The following TRERF1 variants were observed in gnomAD, a reference collection of about 807,000 sequenced individuals.
TRERF1 encodes the protein transcriptional-regulating factor 1.
A neutral mutation model predicts 122.9 loss-of-function variants in TRERF1; 27 were observed. The ratio of observed to expected loss-of-function variants is 0.22; its 90% confidence interval spans 0.16 to 0.30. The LOEUF is 0.30. Among genes scored for constraint, TRERF1 ranks in the 10% least tolerant of loss-of-function variants. TRERF1 has a pLI of 1.00. For missense variants in TRERF1, 1,248 were observed against 1,560.3 expected (o/e 0.80, Z 3.37); for synonymous variants, 636 against 641.7 (o/e 0.99, Z 0.13).
chr6:42,434,722 A>AGTTATTCATG (rs1785031676), intron 2 of TRERF1, among the ~76,000 whole-genome samples: 1 of 146,942 alleles, frequency 6.8e-6, no homozygotes, highest in Admixed American at 6.8e-5. Context: ...CCCTAATAGG[A>AGTTATTCATG]GTTATTCATG....
intron 2 of TRERF1, among the ~76,000 whole-genome samples, chr6:42,439,672 G>A (rs1375409922): frequency 6.6e-6 from 1 of 152,200 alleles, no homozygotes; most frequent in African/African-American, 2.4e-5. Flanking sequence ...ATTCCGCCAT[G>A]TGAGGACCCG....
rs1770779367 is a variant in TRERF1 at position 42,232,589 on chromosome 6, G to A, written c.3278+92C>T. The A allele has an allele frequency of 7.0e-7, 1 of 1,432,984 alleles. No individual in the cohort carries two copies. The highest frequency in any genetic ancestry group is 2.9e-5 in the Admixed American group (1 of 34,928). The allele number at this position is 1,432,984 out of a possible 1,614,324, so 88.8% of individuals were successfully genotyped here. On this transcript the variant is annotated intron_variant, in intron 17 of 17. Transcript: ENST00000372922. The surrounding 1 kb of genome is among the most constrained non-coding windows in gnomAD (Gnocchi z 4.5). ...TTTTGAGGTCTAAGTTCTTTTTTCT[G>A]ATTGAAGAAACCTCAGGCCATCCTG...
At chr6:42,362,667 C>A (rs1429795933) in intron 3 of TRERF1, among the ~76,000 whole-genome samples, 2 of 152,214 alleles carry the variant, frequency 1.3e-5, no homozygotes, top group Non-Finnish European at 2.9e-5. Flanking sequence ...GCCTTCTACA[C>A]CTCCACTGCA....
At chr6:42,231,589 C>T (rs1015887869) in intron 17 of TRERF1, among the ~76,000 whole-genome samples, 2 of 152,084 alleles carry the variant, frequency 1.3e-5, no homozygotes, top group African/African-American at 2.4e-5. Flanking sequence ...TTTTCATGCT[C>T]GAGGCACTAG....
At chr6:42,330,444 T>C (rs997435371) in intron 3 of TRERF1, among the ~76,000 whole-genome samples, 2 of 152,126 alleles carry the variant, frequency 1.3e-5, no homozygotes, top group East Asian at 1.9e-4. Context: ...CACAAAAACA[T>C]AGGTTCAAAG....
intron 2 of TRERF1, among the ~76,000 whole-genome samples, chr6:42,381,608 A>T (rs1425033557): frequency 6.6e-6 from 1 of 151,896 alleles, no homozygotes; most frequent in African/African-American, 2.4e-5. Flanking sequence ...GGAGCCCACC[A>T]GCCCAGCCGT....
chr6:42,402,865 C>T (rs534247712), intron 2 of TRERF1, among the ~76,000 whole-genome samples: 4 of 152,174 alleles, frequency 2.6e-5, no homozygotes, highest in South Asian at 2.1e-4. Flanking sequence ...AGAAAACTGA[C>T]GCTAGGAGAG....
chr6:42,371,696 G>A (rs1322537835), intron 2 of TRERF1, among the ~76,000 whole-genome samples: 1 of 152,088 alleles, frequency 6.6e-6, no homozygotes, highest in Non-Finnish European at 1.5e-5. Context: ...GCCTTCTGGG[G>A]AACCCTACAG....
chr6:42,286,434 C>T (rs1488598824), intron 4 of TRERF1, among the ~76,000 whole-genome samples: 3 of 139,068 alleles, frequency 2.2e-5, no homozygotes, highest in African/African-American at 8.2e-5. Flanking sequence ...TGAACTCAAA[C>T]AAATTTACAA....
intron 15 of TRERF1, among the ~76,000 whole-genome samples, chr6:42,240,652 A>G (rs1169451254): frequency 6.6e-6 from 1 of 152,236 alleles, no homozygotes; most frequent in African/African-American, 2.4e-5. Flanking sequence ...CGCTGCATCT[A>G]AGACTTTCTG....
intron 4 of TRERF1, among the ~76,000 whole-genome samples, chr6:42,299,236 A>G (rs1166303377): frequency 6.6e-6 from 1 of 151,334 alleles, no homozygotes; most frequent in African/African-American, 2.4e-5. Flanking sequence ...CTATCTATCT[A>G]TCTATCATCT....
intron 3 of TRERF1, among the ~76,000 whole-genome samples, chr6:42,339,446 C>T (rs551206930): frequency 1.3e-5 from 2 of 152,306 alleles, no homozygotes; most frequent in African/African-American, 4.8e-5. Context: ...ACTTTTGAAA[C>T]ATCAAGTCTT....
chr6:42,246,329 C>T (rs1455993401), intron 14 of TRERF1, 127 bp downstream of exon 14: 11 of 761,334 alleles, frequency 1.4e-5, no homozygotes, highest in East Asian at 1.0e-4. Flanking sequence ...CTACCATCCT[C>T]ACCAGCGAGT....
chr6:42,396,103 C>T (rs976721546), intron 2 of TRERF1, among the ~76,000 whole-genome samples: 13 of 152,146 alleles, frequency 8.5e-5, no homozygotes, highest in Non-Finnish European at 1.5e-4. Context: ...GTTCCCAGTT[C>T]GTCATCTTCT....
intron 13 of TRERF1, among the ~76,000 whole-genome samples, chr6:42,251,728 G>A (rs1444973353): frequency 6.6e-6 from 1 of 152,154 alleles, no homozygotes; most frequent in African/African-American, 2.4e-5. Context: ...TTCCAAGGCA[G>A]AAGAGACAAG....
chr6:42,305,995 C>CTTTTTTTTTTTTTTTTTTTTT (rs55700516), intron 3 of TRERF1, among the ~76,000 whole-genome samples: 1 of 69,464 alleles, frequency 1.4e-5, no homozygotes, highest in Non-Finnish European at 2.5e-5. Flanking sequence ...AATATCTCTC[C>CTTTTTTTTTTTTTTTTTTTTT]TTTTTTTTTT....
rs765210033 is a variant in TRERF1 at position 42,259,175 on chromosome 6, G to T, written c.2269+164C>A. Among the ~76,000 whole-genome samples the T allele has an allele frequency of 2.3e-4, 35 of 152,190 alleles. No individual in the cohort carries two copies. The highest frequency in any genetic ancestry group is 9.8e-4 in the Admixed American group (15 of 15,286). ...TAGACTGCGATTCCCTTGAGGATAA[G>T]GGCTATGTATTCCAAGTCTTTCTTA... On this transcript the variant is annotated intron_variant, in intron 9 of 17. Transcript: ENST00000372922. This position sits in a 1 kb window ranked among gnomAD's most constrained non-coding sequence, Gnocchi z 4.9.
intron 2 of TRERF1, among the ~76,000 whole-genome samples, chr6:42,418,161 T>G (rs1782119463): frequency 6.6e-6 from 1 of 151,600 alleles, no homozygotes; most frequent in Non-Finnish European, 1.5e-5. Context: ...GGACCAGAGG[T>G]TGGTTCGTTG....
Position 42,263,049 on chromosome 6 carries a change from C to G in TRERF1, c.1884+271G>C, listed in dbSNP as rs902536746. On this transcript the variant is annotated intron_variant, in intron 8 of 17. Coordinates refer to ENST00000372922, the Ensembl canonical transcript of TRERF1. This position sits in a 1 kb window ranked among gnomAD's most constrained non-coding sequence, Gnocchi z 5.6. ...TTTAAACCTGGGAACACTTTCGGGT[C>G]TCTCAGAATCTAACCTAGGCCATTA... Among the ~76,000 whole-genome samples, 2 of 152,214 alleles carry G rather than the reference C, an allele frequency of 1.3e-5. No homozygotes were observed. The highest frequency in any genetic ancestry group is 6.5e-5 in the Admixed American group (1 of 15,282).
Sources: gnomAD v4.1 joint callset for allele counts (sites outside exome capture counted in the v4.1 genomes callset) on GRCh38, gnomAD v4.1.1 for gene constraint, Gnocchi (gnomAD v3.1) non-coding constraint, MANE v1.5 for transcripts, NCBI Gene and HGNC (gene_info 2026-07-23, HGNC 2026-07-21) for gene names.